Variants in SPATA17 observed in about 807,000 individuals in gnomAD.
The protein encoded by SPATA17 is spermatogenesis-associated protein 17.
A neutral mutation model predicts 62.2 loss-of-function variants in SPATA17; 53 were observed. That is an observed-to-expected ratio of 0.85 (90% CI 0.68 to 1.07). SPATA17 has a LOEUF of 1.07. Ranked by LOEUF, SPATA17 falls within the 50% of genes least tolerant of loss-of-function variation. SPATA17 has a pLI of 0.00. For missense variants in SPATA17, 466 were observed against 425.5 expected (o/e 1.10, Z -0.84); for synonymous variants, 146 against 146.8 (o/e 0.99, Z 0.04).
intron 6 of SPATA17, among the ~76,000 whole-genome samples, chr1:217,753,003 A>G (rs1051633392): frequency 2.6e-5 from 4 of 152,210 alleles, no homozygotes; most frequent in African/African-American, 9.7e-5. Context: ...TACCCACCTC[A>G]TCTTTTTCAT....
chr1:217,709,583 A>G (rs772713045), intron 5 of SPATA17, among the ~76,000 whole-genome samples: 1 of 152,156 alleles, frequency 6.6e-6, no homozygotes, highest in Non-Finnish European at 1.5e-5. Flanking sequence ...CAAAAATCAG[A>G]AGTGACATCC....
chr1:217,796,491 T>C (rs1264778663), intron 8 of SPATA17, among the ~76,000 whole-genome samples: 2 of 152,222 alleles, frequency 1.3e-5, no homozygotes, highest in Non-Finnish European at 2.9e-5. Context: ...ATAAGCTTAC[T>C]GTTTAGTTGA....
chr1:217,785,050 CTTCAT>C (rs1673826044), intron 8 of SPATA17: 1 of 152,096 alleles, frequency 6.6e-6, no homozygotes, highest in African/African-American at 2.4e-5. Context: ...CTTCATGCCT[CTTCAT>C]TAACTTCTGG....
chr1:217,806,042 C>T (rs1558058524), intron 9 of SPATA17, among the ~76,000 whole-genome samples: 2 of 152,044 alleles, frequency 1.3e-5, no homozygotes, highest in South Asian at 2.1e-4. Context: ...AGACAAGTTA[C>T]GTGCTTCCAA....
intron 4 of SPATA17, among the ~76,000 whole-genome samples, chr1:217,672,252 A>G (rs1670849201): frequency 6.6e-6 from 1 of 152,154 alleles, no homozygotes; most frequent in South Asian, 2.1e-4. Flanking sequence ...CTGCTTTTTC[A>G]TTTCATAAGC....
intron 7 of SPATA17, among the ~76,000 whole-genome samples, chr1:217,780,153 A>G (rs1367759025): frequency 6.6e-6 from 1 of 152,126 alleles, no homozygotes; most frequent in Admixed American, 6.6e-5. Context: ...CTGGGTTCCC[A>G]TGTCACTCTA....
chr1:217,793,445 C>T (rs543698052), intron 8 of SPATA17, among the ~76,000 whole-genome samples: 11 of 152,168 alleles, frequency 7.2e-5, no homozygotes, highest in African/African-American at 2.4e-4. Context: ...TGGTCTCGAT[C>T]TCTTGACCTC....
rs1671997716 is a variant in SPATA17 at position 217,716,102 on chromosome 1, G to GA, written c.396-25868dup. On this transcript the variant is annotated intron_variant, in intron 5 of 10. Transcript: ENST00000366933. ...CTTTTTAAATAATCTTGCTCTGGCA[G>GA]AAAAATATACAGAACCAACAAATGC... is the stretch of plus-strand genomic sequence containing the variant. Among the ~76,000 whole-genome samples the GA allele has an allele frequency of 3.9e-5, 6 of 152,094 alleles. No homozygotes were observed. In the South Asian group the frequency reaches 1.2e-3, roughly 32 times the overall value.
intron 9 of SPATA17, among the ~76,000 whole-genome samples, chr1:217,833,769 A>G (rs997332576): frequency 1.3e-5 from 2 of 152,192 alleles, no homozygotes; most frequent in African/African-American, 4.8e-5. Context: ...AAATTTTGCA[A>G]GTAAAGACAT....
rs765867817 is a variant in SPATA17, at chr1:217,651,127, A to T, written c.189A>T (p.Gln63His). Residue 63 changes from glutamine (Q) to histidine (H), a missense_variant, in exon 3 of 11, where the codon CAA becomes CAT. Physicochemically the swap from Gln to His is conservative, Grantham distance 24 (BLOSUM62 0). Transcript: ENST00000366933. ...TAAACAGGATTGTAACAATTATTCAAAAATGGTGGAGAAGTTTCTTAGGCA... is the reference window on the plus strand; with the variant it reads ...TAAACAGGATTGTAACAATTATTCATAAATGGTGGAGAAGTTTCTTAGGCA... ...RHLNRIVTII[Q>H]KWWRSFLGRK... is the part of the protein sequence containing the mutation. 16 of 1,609,866 alleles carry T rather than the reference A, an allele frequency of 9.9e-6. No individual in the cohort carries two copies. The highest frequency in any genetic ancestry group is 1.4e-5 in the Non-Finnish European group (16 of 1,178,918).
chr1:217,755,919 T>A (rs567730907), intron 6 of SPATA17, among the ~76,000 whole-genome samples: 1 of 152,160 alleles, frequency 6.6e-6, no homozygotes, highest in South Asian at 2.1e-4. Flanking sequence ...GTATTAAAAT[T>A]TTTGAGTTTT....
intron 1 of SPATA17, among the ~76,000 whole-genome samples, chr1:217,633,152 C>T (rs973032039): frequency 2.0e-5 from 3 of 151,878 alleles, no homozygotes; most frequent in African/African-American, 4.8e-5. Flanking sequence ...GAGCCGAGAT[C>T]GCAATACTGC....
intron 6 of SPATA17, among the ~76,000 whole-genome samples, chr1:217,751,950 T>C (rs919556500): frequency 6.6e-6 from 1 of 152,206 alleles, no homozygotes; most frequent in Non-Finnish European, 1.5e-5. Flanking sequence ...GACAGATCCA[T>C]GTGTTATGGG....
At chr1:217,668,947 A>G in intron 3 of SPATA17, 86 bp from the exon 4 acceptor site, 1 of 1,171,826 alleles carries the variant, frequency 8.5e-7, no homozygotes, top group Non-Finnish European at 1.3e-6. Context: ...ATTATGTATA[A>G]AGATTCTTAT....
intron 9 of SPATA17, among the ~76,000 whole-genome samples, chr1:217,857,955 A>G (rs959556130): frequency 6.6e-6 from 1 of 152,206 alleles, no homozygotes; most frequent in African/African-American, 2.4e-5. Context: ...TGTCAGACAC[A>G]TTGCAGACAC....
intron 9 of SPATA17, among the ~76,000 whole-genome samples, chr1:217,832,816 A>G (rs1675174029): frequency 6.6e-6 from 1 of 151,916 alleles, no homozygotes; most frequent in African/African-American, 2.4e-5. Flanking sequence ...GGCAGTGCGC[A>G]TCTGTAGTCC....
chr1:217,785,982 A>G (rs1673850496), intron 8 of SPATA17, among the ~76,000 whole-genome samples: 1 of 152,158 alleles, frequency 6.6e-6, no homozygotes, highest in Admixed American at 6.6e-5. Flanking sequence ...TCATATGTCT[A>G]TCCTTATGAA....
At chr1:217,856,555 G>A (rs1482667772) in intron 9 of SPATA17, among the ~76,000 whole-genome samples, 1 of 152,162 alleles carries the variant, frequency 6.6e-6, no homozygotes, top group Non-Finnish European at 1.5e-5. Context: ...TTCGTTTCCT[G>A]TTTAGATTCA....
At chr1:217,677,490 A>G (rs1301284936) in intron 4 of SPATA17, among the ~76,000 whole-genome samples, 2 of 152,078 alleles carry the variant, frequency 1.3e-5, no homozygotes, top group African/African-American at 4.8e-5. Context: ...TTAATTCAGA[A>G]AAAGGATACG....
Sources: allele counts gnomAD v4.1 joint callset (sites outside exome capture counted in the v4.1 genomes callset), GRCh38; gene constraint gnomAD v4.1.1; transcripts MANE v1.5; gene names NCBI Gene and HGNC (gene_info 2026-07-23, HGNC 2026-07-21).